The following MALRD1 variants were observed in gnomAD, a reference collection of about 807,000 sequenced individuals.
The protein encoded by MALRD1 is MAM and LDL-receptor class A domain-containing protein 1.
Under a neutral mutation model 242.1 loss-of-function variants are expected in MALRD1, and 247 were observed. The observed-to-expected ratio is 1.02, with a 90% confidence interval of 0.92 to 1.13. The LOEUF (loss-of-function observed/expected upper bound fraction) is 1.13. MALRD1 is among the 50% of genes most tolerant of loss of function. The probability of loss-of-function intolerance (pLI) is 0.00; values close to 1 mark genes in which losing one functional copy is unlikely to be tolerated. For synonymous variants in MALRD1, 995 were observed against 866.6 expected (o/e 1.15, Z -2.60); for missense variants, 2,989 against 2,533.1 (o/e 1.18, Z -3.86).
At chr10:19,423,963 A>G (rs1833808715) in intron 28 of MALRD1, among the ~76,000 whole-genome samples, 1 of 152,218 alleles carries the variant, frequency 6.6e-6, no homozygotes, top group Non-Finnish European at 1.5e-5. Flanking sequence ...TGTTAATCTT[A>G]CAGAGATGAC....
At chr10:19,732,691 T>G (rs1323621863) in intron 39 of MALRD1, among the ~76,000 whole-genome samples, 1 of 152,214 alleles carries the variant, frequency 6.6e-6, no homozygotes, top group African/African-American at 2.4e-5. Context: ...CATAAACTTG[T>G]AGTAACTAAA....
intron 28 of MALRD1, among the ~76,000 whole-genome samples, chr10:19,437,077 G>A (rs1382100701): frequency 5.2e-5 from 5 of 96,562 alleles, no homozygotes; most frequent in African/African-American, 1.5e-4. Context: ...ACAAATATTA[G>A]CAAAACGAGT....
chr10:19,592,500 C>T (rs1371607478), intron 33 of MALRD1, among the ~76,000 whole-genome samples: 1 of 152,156 alleles, frequency 6.6e-6, no homozygotes, highest in Non-Finnish European at 1.5e-5. Flanking sequence ...GGCAACCTCC[C>T]AGGAGCTGGG....
At chr10:19,586,921 T>C (rs796991791) in intron 33 of MALRD1, among the ~76,000 whole-genome samples, 4 of 152,220 alleles carry the variant, frequency 2.6e-5, no homozygotes, top group Non-Finnish European at 1.5e-5. Flanking sequence ...TGGGATATAA[T>C]CTCCTGGTGC....
At chr10:19,308,097 C>T (rs1369939667) in intron 21 of MALRD1, among the ~76,000 whole-genome samples, 3 of 151,516 alleles carry the variant, frequency 2.0e-5, no homozygotes, top group African/African-American at 7.3e-5. Flanking sequence ...GTAGTCACCC[C>T]AGTGTGCTGT....
chr10:19,231,473 A>C (rs939820826), intron 18 of MALRD1, among the ~76,000 whole-genome samples: 1 of 152,058 alleles, frequency 6.6e-6, no homozygotes, highest in African/African-American at 2.4e-5. Flanking sequence ...CCTGAATCTC[A>C]CCTTGATTGT....
intron 18 of MALRD1, among the ~76,000 whole-genome samples, chr10:19,235,939 A>G (rs1430024439): frequency 6.6e-6 from 1 of 152,084 alleles, no homozygotes; most frequent in African/African-American, 2.4e-5. Context: ...AAAGAAAGAA[A>G]TTGGTTGAAG....
rs562700518 is a variant in MALRD1 at position 19,577,283 on chromosome 10, A to T, written c.5680+9580A>T. ...TAGAATATTATTAGATTTTAAATCT[A>T]TTATTGTGGGTCATGAAGTCCTTAC... On this transcript the variant is annotated intron_variant, in intron 33 of 39. Coordinates refer to ENST00000454679, the MANE Select transcript of MALRD1 (RefSeq NM_001142308.3). 4.8e-4 allele frequency among the ~76,000 whole-genome samples: 73 copies of T among 152,300 alleles called. No individual in the cohort carries two copies. The Middle Eastern group carries it at 0.01, about 21-fold the overall frequency.
chr10:19,368,882 TGTGTGTGTTTGTG>T (rs1845231741), intron 26 of MALRD1, among the ~76,000 whole-genome samples: 2 of 141,866 alleles, frequency 1.4e-5, no homozygotes, highest in East Asian at 2.0e-4. Context: ...TGTGTGTGTG[TGTGTGTGTTTGTG>T]TGTGTGTGTG....
intron 11 of MALRD1, among the ~76,000 whole-genome samples, chr10:19,148,786 A>ATATATATATATATATATATATATATAT (rs1220802758): frequency 2.9e-5 from 2 of 68,188 alleles, no homozygotes; most frequent in Admixed American, 1.2e-4. Context: ...AAAAAAAAAA[A>ATATATATATATATATATATATATATAT]AAATATATAT....
intron 36 of MALRD1, among the ~76,000 whole-genome samples, chr10:19,650,943 G>A (rs78367221): frequency 0.11 from 16,581 of 152,096 alleles, 2,301 homozygotes; most frequent in African/African-American, 0.32. Flanking sequence ...CTGCAAATTA[G>A]AGAATGCATC....
intron 21 of MALRD1, among the ~76,000 whole-genome samples, chr10:19,288,292 C>A (rs1166826101): frequency 2.0e-5 from 3 of 151,928 alleles, no homozygotes; most frequent in Non-Finnish European, 4.4e-5. Context: ...AGCATTTATC[C>A]TTTGAGTTAC....
At chr10:19,590,677 A>G (rs1837729597) in intron 33 of MALRD1, among the ~76,000 whole-genome samples, 1 of 152,156 alleles carries the variant, frequency 6.6e-6, no homozygotes. Flanking sequence ...TTTATATAGC[A>G]AAATTAATAC....
chr10:19,213,566 A>G (rs1837166871), intron 18 of MALRD1, among the ~76,000 whole-genome samples: 1 of 152,146 alleles, frequency 6.6e-6, no homozygotes, highest in African/African-American at 2.4e-5. Context: ...GTATTTTAGA[A>G]CATATAGAAT....
At position 19,387,792 on chromosome 10, in the gene MALRD1, G is replaced by T; in HGVS notation, c.4687+19G>T. The T allele has an allele frequency of 6.5e-7, 1 of 1,539,546 alleles. No individual in the cohort carries two copies. On this transcript the variant is annotated intron_variant, in intron 27 of 39. Transcript: ENST00000454679. ...GAAAATGGTAGGTTATTAGATTGTT[G>T]TAATTGCTTTCACATGATTTTCACA...
intron 33 of MALRD1, among the ~76,000 whole-genome samples, chr10:19,580,254 G>C (rs1283023834): frequency 6.6e-6 from 1 of 152,072 alleles, no homozygotes; most frequent in African/African-American, 2.4e-5. Flanking sequence ...CATTTGCAGT[G>C]GTATCACTAT....
chr10:19,497,936 A>G (rs1001731070), intron 30 of MALRD1, among the ~76,000 whole-genome samples: 10 of 152,220 alleles, frequency 6.6e-5, no homozygotes, highest in Non-Finnish European at 7.4e-5. Flanking sequence ...TGAGTTATCA[A>G]TCAACACTTT....
At position 19,077,664 on chromosome 10, in the gene MALRD1, A is replaced by G. The variant is rs545560631; in HGVS notation, c.341-10176A>G. ...GACTCTAAATCTACTATAAATCTAAATACACTAAATATAGTATACTTAATA... is the reference window on the plus strand; with the variant it reads ...GACTCTAAATCTACTATAAATCTAAGTACACTAAATATAGTATACTTAATA... On this transcript the variant is annotated intron_variant, in intron 2 of 39. Transcript: ENST00000454679. Among the ~76,000 whole-genome samples, 5 of 152,070 alleles carry G rather than the reference A, an allele frequency of 3.3e-5. No individual in the cohort carries two copies. The East Asian group carries it at 7.8e-4, about 24-fold the overall frequency.
chr10:19,490,508 G>GC (rs112125784), intron 29 of MALRD1, among the ~76,000 whole-genome samples: 20,325 of 99,476 alleles, frequency 0.2, 3,870 homozygotes, highest in African/African-American at 0.42. Context: ...AAGTGGGGCG[G>GC]GGGGGGGGCA....
Sources: gnomAD v4.1 joint callset for allele counts (sites outside exome capture counted in the v4.1 genomes callset) on GRCh38, gnomAD v4.1.1 for gene constraint, MANE v1.5 for transcripts, NCBI Gene and HGNC (gene_info 2026-07-23, HGNC 2026-07-21) for gene names.